The following HMCN1 variants were observed in gnomAD, a reference collection of about 807,000 sequenced individuals.
HMCN1 encodes hemicentin 1, also known as hemicentin-1.
Under a neutral mutation model 625.9 loss-of-function variants are expected in HMCN1, and 321 were observed. That is an observed-to-expected ratio of 0.51 (90% CI 0.47 to 0.56). The LOEUF is 0.56. Among genes scored for constraint, HMCN1 ranks in the 20% least tolerant of loss-of-function variants. HMCN1 has a pLI of 0.00. For missense variants in HMCN1, 6,588 were observed against 6,887.3 expected (o/e 0.96, Z 1.54); for synonymous variants, 2,425 against 2,417.6 (o/e 1.00, Z -0.09).
At chr1:186,188,189 A>G (rs1653474737) in intron 106 of HMCN1, among the ~76,000 whole-genome samples, 180 bp downstream of exon 106, 1 of 152,226 alleles carries the variant, frequency 6.6e-6, no homozygotes, top group Non-Finnish European at 1.5e-5. Flanking sequence ...CTCATCCTGC[A>G]GCAGCCACTG....
chr1:185,738,982 G>A (rs1044575697), intron 1 of HMCN1, among the ~76,000 whole-genome samples: 1 of 152,084 alleles, frequency 6.6e-6, no homozygotes, highest in Non-Finnish European at 1.5e-5. Context: ...CAGGTAGTGA[G>A]CATAGTACCT....
intron 10 of HMCN1, 73 bp downstream of exon 10, chr1:185,928,740 G>A: frequency 6.7e-7 from 1 of 1,485,196 alleles, no homozygotes; most frequent in Admixed American, 1.7e-5. Flanking sequence ...TTGTTAACCA[G>A]TTTGTGTTTA....
chr1:186,137,942 A>G lies in HMCN1; in HGVS notation c.13894A>G (p.Ile4632Val). The change falls in exon 89 of 107, where the codon ATA (isoleucine) becomes GTA (valine). Residue 4632 changes from isoleucine to valine, a missense_variant. By Grantham distance (29) the Ile-to-Val change is conservative. Coordinates refer to ENST00000271588, the MANE Select transcript of HMCN1 (RefSeq NM_031935.3). ...GCCATGTGAAGGGAATGCTGTGGAA[A>G]TAATTATGTGCAACATTAGGCCTTG... ...GRPCEGNAVE[I>V]IMCNIRPCPV... is the part of the protein sequence containing the mutation. The G allele has an allele frequency of 6.2e-7, 1 of 1,614,046 alleles. No individual in the cohort carries two copies. Among genetic ancestry groups the G allele is most frequent in the East Asian group, 2.2e-5 (1 of 44,872 alleles).
intron 36 of HMCN1, among the ~76,000 whole-genome samples, chr1:186,028,350 T>C (rs1265198308): frequency 2.0e-5 from 3 of 152,226 alleles, no homozygotes; most frequent in African/African-American, 7.2e-5. Context: ...TGTTACTTTA[T>C]TGCTGCTCTA....
intron 30 of HMCN1, among the ~76,000 whole-genome samples, chr1:186,011,977 A>G (rs1005779239): frequency 2.6e-5 from 4 of 152,218 alleles, no homozygotes; most frequent in East Asian, 3.8e-4. Context: ...ATGAAACTTC[A>G]TCACCACTAA....
intron 11 of HMCN1, among the ~76,000 whole-genome samples, chr1:185,937,149 T>C (rs909101681): frequency 1.3e-5 from 2 of 152,254 alleles, no homozygotes; most frequent in African/African-American, 4.8e-5. Flanking sequence ...AAATATTTGG[T>C]CTGCCCATTG....
At position 186,052,983 on chromosome 1, in the gene HMCN1, T is replaced by C. The variant is rs372718677; in HGVS notation, c.6609T>C (p.Leu2203=). The change falls in exon 43 of 107, where the codon CTT becomes CTC. Residue 2203 remains leucine (L), a synonymous_variant. Transcript: ENST00000271588. ...CAAATATTGGTGGTTCTGATGAACT[T>C]ACTCAACTTACAGTCATTGAAGGGA... ...VPPNIGGSDE[L]TQLTVIEGNL... is the part of the protein sequence containing the mutation. 14 of 1,607,676 alleles carry C rather than the reference T, an allele frequency of 8.7e-6. No homozygotes were observed. Among genetic ancestry groups the C allele is most frequent in the Admixed American group, 3.3e-5 (2 of 59,820 alleles).
At chr1:185,895,974 C>T (rs576941876) in intron 4 of HMCN1, among the ~76,000 whole-genome samples, 2 of 150,270 alleles carry the variant, frequency 1.3e-5, no homozygotes, top group South Asian at 4.2e-4. Context: ...GTCTCTCTGT[C>T]GCACAGGCTA....
intron 11 of HMCN1, among the ~76,000 whole-genome samples, chr1:185,940,826 C>T (rs139857668): frequency 0.015 from 2,340 of 152,130 alleles, 56 homozygotes; most frequent in African/African-American, 0.053. Context: ...TGCAATGGCA[C>T]GATCTTGGCT....
chr1:185,746,428 A>C (rs960117156), intron 1 of HMCN1, among the ~76,000 whole-genome samples: 1 of 152,124 alleles, frequency 6.6e-6, no homozygotes, highest in Non-Finnish European at 1.5e-5. Context: ...TGCAAAATCA[A>C]GATGTTGGTA....
intron 1 of HMCN1, among the ~76,000 whole-genome samples, chr1:185,825,336 T>C (rs1660451299): frequency 6.6e-6 from 1 of 152,318 alleles, no homozygotes; most frequent in Non-Finnish European, 1.5e-5. Flanking sequence ...GTTTTAGTGC[T>C]GTATTTAGGG....
chr1:185,791,491 G>A (rs895556141), intron 1 of HMCN1, among the ~76,000 whole-genome samples: 13 of 151,842 alleles, frequency 8.6e-5, no homozygotes, highest in African/African-American at 2.2e-4. Context: ...AGGACGAGGC[G>A]GGTGGATCAC....
At chr1:186,177,841 T>C (rs1432984599) in intron 103 of HMCN1, among the ~76,000 whole-genome samples, 1 of 151,990 alleles carries the variant, frequency 6.6e-6, no homozygotes, top group Non-Finnish European at 1.5e-5. Flanking sequence ...TAAGTGAAGT[T>C]TGATGAAAAT....
In HMCN1 at chr1:186,039,025, G is replaced by A; in HGVS notation, c.6028+20G>A. ...TTCATGGTTAGTGCCACTTCACCTA[G>A]ATTCATTCTGGGGTAAAGAAGCATT... On this transcript the variant is annotated intron_variant, in intron 38 of 106. Transcript: ENST00000271588. The A allele has an allele frequency of 6.5e-7, 1 of 1,541,550 alleles. No homozygotes were observed. Among genetic ancestry groups the A allele is most frequent in the Non-Finnish European group, 9.0e-7 (1 of 1,113,968 alleles).
At chr1:186,083,353 A>C (rs571154736) in intron 57 of HMCN1, among the ~76,000 whole-genome samples, 1 of 152,088 alleles carries the variant, frequency 6.6e-6, no homozygotes, top group Non-Finnish European at 1.5e-5. Context: ...ATGTTGAGCT[A>C]TGTCCTCTAG....
chr1:186,132,650 CT>C (rs36095829), intron 86 of HMCN1, among the ~76,000 whole-genome samples: 4,257 of 149,204 alleles, frequency 0.029, 218 homozygotes, highest in African/African-American at 0.099. Context: ...GGTGGCAGAG[CT>C]TTTTTTTTTA....
intron 30 of HMCN1, 117 bp downstream of exon 30, chr1:186,007,399 C>T (rs1181901811): frequency 1.1e-6 from 1 of 916,348 alleles, no homozygotes; most frequent in Non-Finnish European, 1.7e-6. Flanking sequence ...CTACATACTT[C>T]AAGAGAAGAA....
chr1:186,139,813 C>G (rs1186036989), intron 89 of HMCN1, among the ~76,000 whole-genome samples: 9 of 151,980 alleles, frequency 5.9e-5, no homozygotes, highest in Non-Finnish European at 1.5e-5. Context: ...CAAAAATTAG[C>G]GATGCTACAA....
chr1:186,037,151 A>T (rs1169630501), intron 36 of HMCN1, among the ~76,000 whole-genome samples: 1 of 151,930 alleles, frequency 6.6e-6, no homozygotes, highest in Non-Finnish European at 1.5e-5. Context: ...AAATCCTTAA[A>T]ATGTGTTTTT....
Sources: gnomAD v4.1 joint callset for allele counts (sites outside exome capture counted in the v4.1 genomes callset) on GRCh38, gnomAD v4.1.1 for gene constraint, MANE v1.5 for transcripts, NCBI Gene and HGNC (gene_info 2026-07-23, HGNC 2026-07-21) for gene names.